Variants in CNTNAP5 observed in about 807,000 individuals in gnomAD.
The protein encoded by CNTNAP5 is contactin associated protein family member 5.
Under a neutral mutation model 150.2 loss-of-function variants are expected in CNTNAP5, and 72 were observed. The observed-to-expected ratio is 0.48, with a 90% CI of 0.40 to 0.58. CNTNAP5 has a LOEUF of 0.58. Ranked by LOEUF, CNTNAP5 falls within the 20% of genes least tolerant of loss-of-function variation. CNTNAP5 has a pLI of 0.00. For missense variants in CNTNAP5, 1,636 were observed against 1,626.2 expected, an observed-to-expected ratio of 1.01 and a Z score of -0.10; for synonymous variants, 672 against 619.8, an observed-to-expected ratio of 1.08 and a Z score of -1.25.
chr2:124,149,300 C>T (rs945981728), intron 1 of CNTNAP5, among the ~76,000 whole-genome samples: 1 of 143,012 alleles, frequency 7.0e-6, no homozygotes, highest in African/African-American at 2.6e-5. Flanking sequence ...CCTGTTCAGA[C>T]ATTAAATCTT....
intron 13 of CNTNAP5, among the ~76,000 whole-genome samples, chr2:124,684,336 T>C (rs1679145987): frequency 6.6e-6 from 1 of 152,206 alleles, no homozygotes; most frequent in Non-Finnish European, 1.5e-5. Context: ...CAGTGTATGT[T>C]AAAAACATTA....
intron 7 of CNTNAP5, among the ~76,000 whole-genome samples, chr2:124,479,308 C>T (rs1364361227): frequency 6.6e-6 from 1 of 152,128 alleles, no homozygotes; most frequent in Non-Finnish European, 1.5e-5. Flanking sequence ...TGCACTCCAT[C>T]AGAAATGATG....
At chr2:124,190,687 AT>A (rs1685437104) in intron 1 of CNTNAP5, among the ~76,000 whole-genome samples, 1 of 152,238 alleles carries the variant, frequency 6.6e-6, no homozygotes, top group African/African-American at 2.4e-5. Flanking sequence ...TAAAACAGGA[AT>A]AAGGGTGTTA....
intron 5 of CNTNAP5, among the ~76,000 whole-genome samples, chr2:124,438,568 C>T (rs1692594205): frequency 6.6e-6 from 1 of 152,132 alleles, no homozygotes; most frequent in Non-Finnish European, 1.5e-5. Flanking sequence ...ATCTGAGGAG[C>T]ACCTGGGGGC....
At chr2:124,251,390 G>C (rs1465559604) in intron 3 of CNTNAP5, among the ~76,000 whole-genome samples, 1 of 150,986 alleles carries the variant, frequency 6.6e-6, no homozygotes, top group South Asian at 2.1e-4. Flanking sequence ...TCCTTTTGTA[G>C]GAAGGGAGTA....
intron 3 of CNTNAP5, among the ~76,000 whole-genome samples, chr2:124,359,494 G>C (rs1341439331): frequency 6.6e-6 from 1 of 151,200 alleles, no homozygotes; most frequent in Admixed American, 6.6e-5. Context: ...CAGAGATTCT[G>C]GTATGTTGTG....
chr2:124,257,551 T>G (rs1687342709), intron 3 of CNTNAP5, among the ~76,000 whole-genome samples: 1 of 152,210 alleles, frequency 6.6e-6, no homozygotes, highest in South Asian at 2.1e-4. Context: ...AAATTCTTCC[T>G]CATCTTTCAA....
chr2:124,902,651 G>A lies in CNTNAP5; in HGVS notation c.3437-231G>A, dbSNP rs529593751. ...AGTTGGGGAAAATTTTTATCTCAAA[G>A]CAGAAATGGCCCTGACAATTTTCTA... On this transcript the variant is annotated intron_variant, in intron 21 of 23. Transcript: ENST00000682447. 1.9e-3 allele frequency among the ~76,000 whole-genome samples: 291 copies of A among 152,210 alleles called. 2 individuals are homozygous for A. The highest frequency in any genetic ancestry group is 6.7e-3 in the African/African-American group (278 of 41,542).
chr2:124,811,296 AAAAT>A (rs1266231804), intron 19 of CNTNAP5, among the ~76,000 whole-genome samples: 2 of 152,178 alleles, frequency 1.3e-5, no homozygotes, highest in Non-Finnish European at 2.9e-5. Context: ...TAATGGAACT[AAAAT>A]AACTGCATGT....
intron 13 of CNTNAP5, among the ~76,000 whole-genome samples, chr2:124,737,528 G>A (rs754898485): frequency 3.9e-5 from 6 of 152,236 alleles, no homozygotes; most frequent in African/African-American, 1.2e-4. Context: ...GGAATAAGAC[G>A]TAAGGCTGAG....
At chr2:124,032,202 G>C (rs1401957555) in intron 1 of CNTNAP5, among the ~76,000 whole-genome samples, 2 of 152,084 alleles carry the variant, frequency 1.3e-5, no homozygotes, top group African/African-American at 4.8e-5. Flanking sequence ...ATACTGGCTG[G>C]GGCATCAAAG....
chr2:124,867,676 G>A (rs894486591), intron 20 of CNTNAP5, among the ~76,000 whole-genome samples: 2 of 133,346 alleles, frequency 1.5e-5, no homozygotes, highest in Non-Finnish European at 3.3e-5. Flanking sequence ...CTCTCAGAAC[G>A]CCCAAGGACT....
chr2:124,424,390 C>G (rs1692191596), intron 4 of CNTNAP5, among the ~76,000 whole-genome samples: 1 of 152,150 alleles, frequency 6.6e-6, no homozygotes, highest in African/African-American at 2.4e-5. Flanking sequence ...AGCAGTCAGA[C>G]CTGGGGCATT....
In CNTNAP5 at chr2:124,035,910, CTTT is replaced by C. The variant is rs759598012; in HGVS notation, c.82+10201_82+10203del. On this transcript the variant is annotated intron_variant, in intron 1 of 23. Coordinates refer to ENST00000682447, the MANE Select transcript of CNTNAP5 (RefSeq NM_001367498.1). ...GTTGCTGCATTTCCCAGGATGAACT[CTTT>C]TTTTTTTTTTTTTTTTTTTTTTGAG... is the stretch of plus-strand genomic sequence containing the variant. Among the ~76,000 whole-genome samples the C allele has an allele frequency of 1.2e-4, 9 of 76,534 alleles. 1 individual carries two copies. Among genetic ancestry groups the C allele is most frequent in the Admixed American group, 8.3e-4 (4 of 4,836 alleles). 50.2% of individuals were successfully genotyped at this position (76,534 alleles called of 152,430 possible).
At chr2:124,477,857 T>C (rs943813728) in intron 7 of CNTNAP5, among the ~76,000 whole-genome samples, 1 of 152,146 alleles carries the variant, frequency 6.6e-6, no homozygotes, top group East Asian at 1.9e-4. Flanking sequence ...TAGATTAGCC[T>C]AATGTCAGAA....
intron 1 of CNTNAP5, among the ~76,000 whole-genome samples, chr2:124,129,099 G>GA (rs11444930): frequency 0.14 from 20,251 of 148,816 alleles, 1,422 homozygotes; most frequent in Middle Eastern, 0.23. Flanking sequence ...CATCAGAACA[G>GA]AAAAAAAAAG....
At chr2:124,476,389 G>C (rs1693641702) in intron 7 of CNTNAP5, among the ~76,000 whole-genome samples, 2 of 150,340 alleles carry the variant, frequency 1.3e-5, no homozygotes, top group African/African-American at 4.9e-5. Context: ...GCTTGGATTA[G>C]TATTAAAGAC....
At chr2:124,674,525 T>TTCTTTCTC (rs1678894876) in intron 13 of CNTNAP5, among the ~76,000 whole-genome samples, 1 of 134,972 alleles carries the variant, frequency 7.4e-6, no homozygotes, top group Non-Finnish European at 1.5e-5. Context: ...CTTTCTTTCT[T>TTCTTTCTC]TCTTTCTTTC....
At chr2:124,070,606 C>T (rs1002059819) in intron 1 of CNTNAP5, among the ~76,000 whole-genome samples, 5 of 151,716 alleles carry the variant, frequency 3.3e-5, no homozygotes, top group African/African-American at 9.7e-5. Flanking sequence ...CAAAGAAGGG[C>T]ATTATATAAT....
Sources: allele counts gnomAD v4.1 joint callset (sites outside exome capture counted in the v4.1 genomes callset), GRCh38; gene constraint gnomAD v4.1.1; transcripts MANE v1.5; gene names NCBI Gene and HGNC (gene_info 2026-07-23, HGNC 2026-07-21).